ACVR1C: variants seen among roughly 807,000 people sequenced by gnomAD.
ACVR1C encodes activin A receptor type 1C.
Under a neutral mutation model 57.9 loss-of-function variants are expected in ACVR1C, and 23 were observed. The observed-to-expected ratio is 0.40, with a 90% CI of 0.29 to 0.56. The LOEUF is 0.56. Among genes scored for constraint, ACVR1C ranks in the 20% least tolerant of loss-of-function variants. ACVR1C has a pLI of 0.50. For synonymous variants in ACVR1C, 214 were observed against 215.3 expected, an observed-to-expected ratio of 0.99 and a Z score of 0.05; for missense variants, 480 against 607.9, an observed-to-expected ratio of 0.79 and a Z score of 2.21.
chr2:157,627,065 C>T (rs1422919474), intron 1 of ACVR1C, among the ~76,000 whole-genome samples: 2 of 151,860 alleles, frequency 1.3e-5, no homozygotes, highest in Non-Finnish European at 2.9e-5. Flanking sequence ...CAAAATATAC[C>T]CTTGAAGCTA....
intron 1 of ACVR1C, among the ~76,000 whole-genome samples, chr2:157,624,222 T>C (rs1682849087): frequency 6.6e-6 from 1 of 152,150 alleles, no homozygotes; most frequent in Admixed American, 6.5e-5. Context: ...TTCCCCAAAA[T>C]CTTGTCATTG....
Position 157,556,183 on chromosome 2 carries a change from C to G in ACVR1C, c.454G>C (p.Glu152Gln). The G allele has an allele frequency of 1.2e-6, 2 of 1,614,038 alleles. No homozygotes were observed. Among genetic ancestry groups the G allele is most frequent in the Non-Finnish European group, 1.7e-6 (2 of 1,179,966 alleles). Reference protein sequence around the residue: ...SYRKKKRPNVEEPLSECNLVN... With the variant: ...SYRKKKRPNVQEPLSECNLVN... ...AGATTGCACTCAGAGAGTGGTTCCT[C>G]CACATTTGGTCTCTTTTTCTTCCTG... The change falls in exon 3 of 9, where the codon GAG (glutamate) becomes CAG (glutamine). Residue 152 changes from glutamate to glutamine, a missense_variant. Glu to Gln is a conservative substitution (Grantham distance 29). Transcript: ENST00000243349.
rs150944346 is a variant in ACVR1C at position 157,626,285 on chromosome 2, T to C, written c.73+2287A>G. On this transcript the variant is annotated intron_variant, in intron 1 of 8. Transcript: ENST00000243349. Reference sequence around the variant, plus strand: ...CACCCAGCCAGCCTGATTTTTTTAATTCCAGTCCAGACCAATAAACAGTTT... The same window carrying C: ...CACCCAGCCAGCCTGATTTTTTTAACTCCAGTCCAGACCAATAAACAGTTT... 5.1e-4 allele frequency among the ~76,000 whole-genome samples: 78 copies of C among 152,356 alleles called. 1 individual carries two copies. The highest frequency in any genetic ancestry group is 6.2e-4 in the Non-Finnish European group (42 of 68,030).
At chr2:157,565,508 C>G (rs751543272) in intron 2 of ACVR1C, among the ~76,000 whole-genome samples, 4 of 152,124 alleles carry the variant, frequency 2.6e-5, no homozygotes, top group Non-Finnish European at 5.9e-5. Flanking sequence ...CTTTTGCAAA[C>G]AGCAAACATA....
chr2:157,597,501 GAAT>G, intron 1 of ACVR1C: 1 of 985,436 alleles, frequency 1.0e-6, no homozygotes, highest in African/African-American at 1.7e-5. Flanking sequence ...TTGGCGCAGT[GAAT>G]TCGGCCCCGA....
intron 1 of ACVR1C, 72 bp downstream of exon 1, chr2:157,628,500 C>G: frequency 6.6e-7 from 1 of 1,518,976 alleles, no homozygotes; most frequent in Non-Finnish European, 9.0e-7. Flanking sequence ...TGTCCCCCAC[C>G]CCCGTGCTCA....
At chr2:157,549,512 T>C (rs1348814530) in intron 4 of ACVR1C, among the ~76,000 whole-genome samples, 3 of 152,214 alleles carry the variant, frequency 2.0e-5, no homozygotes, top group Non-Finnish European at 4.4e-5. Context: ...GCTTCTGTTC[T>C]GATTAGTTGG....
At chr2:157,617,775 A>G (rs1366824146) in intron 1 of ACVR1C, among the ~76,000 whole-genome samples, 1 of 151,906 alleles carries the variant, frequency 6.6e-6, no homozygotes, top group Non-Finnish European at 1.5e-5. Flanking sequence ...GGATGGATAA[A>G]TGGATATATA....
intron 7 of ACVR1C, among the ~76,000 whole-genome samples, chr2:157,540,229 T>C (rs1292772456): frequency 1.3e-5 from 2 of 152,262 alleles, no homozygotes; most frequent in African/African-American, 4.8e-5. Context: ...TAGTCCTAAG[T>C]CTGTCTCACT....
chr2:157,608,322 C>T (rs1682453816), intron 1 of ACVR1C, among the ~76,000 whole-genome samples: 1 of 151,736 alleles, frequency 6.6e-6, no homozygotes, highest in Admixed American at 6.6e-5. Context: ...TACTTGCATC[C>T]CTGACATAAA....
rs150385960 is a variant in ACVR1C, at chr2:157,589,249, A to G, written c.74-1832T>C. 1.4e-4 allele frequency among the ~76,000 whole-genome samples: 22 copies of G among 151,938 alleles called. No homozygotes were observed. The South Asian group carries it at 1.7e-3, about 11-fold the overall frequency. ...ATTCTGGCTGGGGTAAGCTGGTATC[A>G]CACTGTGATTTTAATTTGCATTTCC... On this transcript the variant is annotated intron_variant, in intron 1 of 8. Transcript: ENST00000243349.
intron 1 of ACVR1C, among the ~76,000 whole-genome samples, chr2:157,605,656 T>TC (rs1682376439): frequency 6.6e-6 from 1 of 151,662 alleles, no homozygotes; most frequent in African/African-American, 2.4e-5. Flanking sequence ...CCCCTATACT[T>TC]CATTTTACTT....
chr2:157,621,819 G>A (rs185117792), intron 1 of ACVR1C, among the ~76,000 whole-genome samples: 3 of 152,258 alleles, frequency 2.0e-5, no homozygotes, highest in Non-Finnish European at 4.4e-5. Context: ...CCTTTCAATG[G>A]TTTCCTGGAG....
chr2:157,590,039 T>C (rs1178039146), intron 1 of ACVR1C, among the ~76,000 whole-genome samples: 1 of 151,806 alleles, frequency 6.6e-6, no homozygotes, highest in Non-Finnish European at 1.5e-5. Context: ...TCAAGAGGAA[T>C]TAAAGACTTA....
rs1558974935 is a variant in ACVR1C, at chr2:157,554,233, A to AAGAG, written c.544+1859_544+1860insCTCT. Among the ~76,000 whole-genome samples the AAGAG allele has an allele frequency of 3.8e-5, 5 of 131,240 alleles. 1 individual carries two copies. The highest frequency in any genetic ancestry group is 1.9e-4 in the African/African-American group (5 of 26,450). The allele number at this position is 131,240 out of a possible 152,430, so 86.1% of individuals were successfully genotyped here. On this transcript the variant is annotated intron_variant, in intron 3 of 8. Coordinates refer to ENST00000243349, the MANE Select transcript of ACVR1C (RefSeq NM_145259.3). ...AAAGAAAGAAAGAAAGAAAGAAAGAAAGAAAGAAAGAAAGAAAGAAAGAAA... is the reference window on the plus strand; with the variant it reads ...AAAGAAAGAAAGAAAGAAAGAAAGAAAGAGAGAAAGAAAGAAAGAAAGAAAGAAA...
intron 1 of ACVR1C, among the ~76,000 whole-genome samples, chr2:157,595,299 C>A (rs1475189632): frequency 6.6e-6 from 1 of 152,280 alleles, no homozygotes; most frequent in East Asian, 1.9e-4. Flanking sequence ...GCAGGGGTAG[C>A]AGTTGGTGAT....
chr2:157,535,826 G>A (rs181085872), intron 8 of ACVR1C, among the ~76,000 whole-genome samples: 1 of 152,280 alleles, frequency 6.6e-6, no homozygotes, highest in East Asian at 1.9e-4. Context: ...CCATGGACTA[G>A]AGTTCAGGAG....
chr2:157,612,938 G>A (rs75809430), intron 1 of ACVR1C, among the ~76,000 whole-genome samples: 7,571 of 152,266 alleles, frequency 0.05, 360 homozygotes, highest in African/African-American at 0.12. Flanking sequence ...CAGCTGCTTA[G>A]GTCTCAGGGA....
At position 157,549,829 on chromosome 2, in the gene ACVR1C, CAAAAA is replaced by C. The variant is rs1173469291; in HGVS notation, c.775+328_775+332del. 0.032 allele frequency among the ~76,000 whole-genome samples: 1,530 copies of C among 47,520 alleles called. 25 individuals are homozygous for C. The highest frequency in any genetic ancestry group is 0.1 in the African/African-American group (1,440 of 14,420). 31.2% of individuals were successfully genotyped at this position (47,520 alleles called of 152,430 possible). A position where few individuals can be genotyped will look rare whatever the true frequency, so the allele number is the denominator to read the frequency against. On this transcript the variant is annotated intron_variant, in intron 4 of 8. Coordinates refer to ENST00000243349, the MANE Select transcript of ACVR1C (RefSeq NM_145259.3). Reference sequence around the variant, plus strand: ...TGAAACCCCGTCTCTACTAAAAATACAAAAAAAAAAAAAAAAAAAAAAAATTAGCC... The same window carrying C: ...TGAAACCCCGTCTCTACTAAAAATACAAAAAAAAAAAAAAAAAAATTAGCC...
Sources: allele counts gnomAD v4.1 joint callset (sites outside exome capture counted in the v4.1 genomes callset), GRCh38; gene constraint gnomAD v4.1.1; transcripts MANE v1.5; gene names NCBI Gene and HGNC (gene_info 2026-07-23, HGNC 2026-07-21).